The following CDH13 variants were observed in gnomAD, a reference collection of about 807,000 sequenced individuals.
CDH13 encodes cadherin 13, also known as cadherin-13.
Under a neutral mutation model 63.8 loss-of-function variants are expected in CDH13, and 24 were observed. The ratio of observed to expected loss-of-function variants is 0.38; its 90% CI spans 0.27 to 0.53. The LOEUF is 0.53. CDH13 is among the 20% of genes least tolerant of loss of function. The pLI is 0.85. For synonymous variants in CDH13, 503 were observed against 355.3 expected (o/e 1.42, Z -4.67); for missense variants, 1,049 against 903.1 (o/e 1.16, Z -2.07).
chr16:82,710,830 T>C (rs889437015), intron 1 of CDH13, among the ~76,000 whole-genome samples: 1 of 150,600 alleles, frequency 6.6e-6, no homozygotes, highest in Non-Finnish European at 1.5e-5. Flanking sequence ...CATACACAAA[T>C]ACTTTTATAC....
chr16:83,754,305 A>C (rs1169997948), intron 11 of CDH13, among the ~76,000 whole-genome samples: 1 of 152,210 alleles, frequency 6.6e-6, no homozygotes. Flanking sequence ...ACTGAAGGGA[A>C]GAATTGGATT....
At chr16:83,472,710 G>A (rs1354858192) in intron 6 of CDH13, among the ~76,000 whole-genome samples, 2 of 152,200 alleles carry the variant, frequency 1.3e-5, no homozygotes, top group South Asian at 2.1e-4. Context: ...AACACATGGG[G>A]AAGAGCATTT....
At chr16:82,945,434 A>G (rs967380150) in intron 2 of CDH13, among the ~76,000 whole-genome samples, 19 of 152,224 alleles carry the variant, frequency 1.2e-4, no homozygotes, top group Non-Finnish European at 2.4e-4. Context: ...TTCCTAGGCC[A>G]CTGACTGAAA....
intron 6 of CDH13, among the ~76,000 whole-genome samples, chr16:83,414,075 C>G (rs760969619): frequency 2.6e-5 from 4 of 152,128 alleles, no homozygotes. Flanking sequence ...TTTTACTTCC[C>G]TAACAAGTAC....
At chr16:82,999,594 C>A (rs115086304) in intron 2 of CDH13, among the ~76,000 whole-genome samples, 2,426 of 152,188 alleles carry the variant, frequency 0.016, 57 homozygotes, top group African/African-American at 0.053. Context: ...TTAAGCATGA[C>A]ACCAAAAGTT....
At chr16:83,306,447 G>A (rs2089880874) in intron 5 of CDH13, among the ~76,000 whole-genome samples, 1 of 152,148 alleles carries the variant, frequency 6.6e-6, no homozygotes, top group Admixed American at 6.5e-5. Context: ...TAACTCCCCT[G>A]AAAGGAGGCT....
chr16:82,684,868 T>C (rs1041557073), intron 1 of CDH13, among the ~76,000 whole-genome samples: 2 of 152,094 alleles, frequency 1.3e-5, no homozygotes, highest in Non-Finnish European at 2.9e-5. Flanking sequence ...CTGAGGAAGA[T>C]AAGGGTGGAG....
intron 3 of CDH13, among the ~76,000 whole-genome samples, chr16:83,081,421 A>G (rs1042870851): frequency 6.6e-6 from 1 of 151,964 alleles, no homozygotes; most frequent in African/African-American, 2.4e-5. Context: ...ACCTAGAACA[A>G]GGATCATATT....
At chr16:82,664,067 C>T (rs1415849960) in intron 1 of CDH13, among the ~76,000 whole-genome samples, 1 of 152,224 alleles carries the variant, frequency 6.6e-6, no homozygotes, top group African/African-American at 2.4e-5. Flanking sequence ...GGAAATATTA[C>T]TTACTCGTCC....
chr16:83,288,256 C>T (rs1400308694), intron 5 of CDH13, among the ~76,000 whole-genome samples: 1 of 152,198 alleles, frequency 6.6e-6, no homozygotes. Context: ...TAGCGCCTGT[C>T]CTTGAGTGCT....
chr16:82,684,818 C>A (rs1486954486), intron 1 of CDH13, among the ~76,000 whole-genome samples: 1 of 152,214 alleles, frequency 6.6e-6, no homozygotes, highest in African/African-American at 2.4e-5. Context: ...AGCCCATACC[C>A]AAGTTGTGCT....
At chr16:83,406,901 A>C (rs531467210) in intron 6 of CDH13, among the ~76,000 whole-genome samples, 1 of 152,250 alleles carries the variant, frequency 6.6e-6, no homozygotes, top group Non-Finnish European at 1.5e-5. Flanking sequence ...ATGTATACAA[A>C]GTATCTTATA....
At chr16:83,449,327 C>T (rs1049802265) in intron 6 of CDH13, among the ~76,000 whole-genome samples, 2 of 151,960 alleles carry the variant, frequency 1.3e-5, no homozygotes, top group African/African-American at 2.4e-5. Flanking sequence ...CTCATGGTAC[C>T]AAGAGGAAAA....
At chr16:83,085,795 A>G (rs2033553590) in intron 3 of CDH13, among the ~76,000 whole-genome samples, 2 of 152,230 alleles carry the variant, frequency 1.3e-5, no homozygotes, top group South Asian at 4.1e-4. Context: ...AGAACTTCTC[A>G]GAGGTCTCAA....
chr16:83,099,323 A>G (rs995579684), intron 3 of CDH13, among the ~76,000 whole-genome samples: 2 of 151,834 alleles, frequency 1.3e-5, no homozygotes, highest in Non-Finnish European at 1.5e-5. Flanking sequence ...GATAATCTTC[A>G]TTTTACACAT....
At chr16:83,012,167 A>G (rs1424107870) in intron 2 of CDH13, among the ~76,000 whole-genome samples, 3 of 152,214 alleles carry the variant, frequency 2.0e-5, no homozygotes, top group African/African-American at 7.2e-5. Flanking sequence ...CAGATGAAAT[A>G]TGTGTTATAG....
intron 4 of CDH13, among the ~76,000 whole-genome samples, chr16:83,157,764 T>A (rs1331991779): frequency 2.2e-5 from 3 of 135,756 alleles, no homozygotes; most frequent in South Asian, 2.4e-4. Flanking sequence ...AAAAAAAAAA[T>A]TATCTGGGCA....
intron 4 of CDH13, among the ~76,000 whole-genome samples, chr16:83,152,469 A>G (rs1210273844): frequency 1.3e-5 from 2 of 152,260 alleles, no homozygotes; most frequent in African/African-American, 4.8e-5. Context: ...AAATGTTGAC[A>G]GTAGGGTTTA....
intron 9 of CDH13, 60 bp from the exon 10 acceptor site, chr16:83,678,148 G>A: frequency 3.2e-6 from 5 of 1,553,090 alleles, no homozygotes; most frequent in South Asian, 2.5e-5. Context: ...GGAAGTTGAT[G>A]CAAACCACCT....
Sources: allele counts gnomAD v4.1 joint callset (sites outside exome capture counted in the v4.1 genomes callset), GRCh38; gene constraint gnomAD v4.1.1; transcripts MANE v1.5; gene names NCBI Gene and HGNC (gene_info 2026-07-23, HGNC 2026-07-21).